The following PTK7 variants were observed in gnomAD, a reference collection of about 807,000 sequenced individuals.
The protein encoded by PTK7 is inactive tyrosine-protein kinase 7.
In PTK7, 39 loss-of-function variants were observed where a neutral mutation model predicts 116.6. The observed-to-expected ratio is 0.33, with a 90% CI of 0.26 to 0.44. The LOEUF is 0.44. Ranked by LOEUF, PTK7 falls within the 20% of genes least tolerant of loss-of-function variation. PTK7 has a pLI of 1.00. For synonymous variants in PTK7, 546 were observed against 563.6 expected, an observed-to-expected ratio of 0.97 and a Z score of 0.44; for missense variants, 1,169 against 1,425.6, an observed-to-expected ratio of 0.82 and a Z score of 2.90.
chr6:43,117,778 T>C (rs1768645643), intron 1 of PTK7, among the ~76,000 whole-genome samples: 1 of 151,682 alleles, frequency 6.6e-6, no homozygotes, highest in Non-Finnish European at 1.5e-5. Context: ...CTACTAAAAA[T>C]ACAAAAAATT....
chr6:43,150,818 C>CTTTT (rs1582211151), intron 17 of PTK7, among the ~76,000 whole-genome samples: 1 of 21,588 alleles, frequency 4.6e-5, no homozygotes. Flanking sequence ...TTTTTTTTTC[C>CTTTT]CGAGACAGAG....
chr6:43,079,549 TGTC>T (rs1766250067), intron 1 of PTK7, among the ~76,000 whole-genome samples: 1 of 151,714 alleles, frequency 6.6e-6, no homozygotes, highest in South Asian at 2.1e-4. Context: ...TATAAAATGG[TGTC>T]GTATTTACAT....
intron 1 of PTK7, among the ~76,000 whole-genome samples, chr6:43,116,893 G>A (rs1768583994): frequency 6.6e-6 from 1 of 152,036 alleles, no homozygotes. Context: ...GTGCGACCTC[G>A]ACTCACTGCA....
Position 43,116,651 on chromosome 6 carries a change from T to TGTGCGCGCGC in PTK7, c.80-12325_80-12324insTGCGCGCGCG, listed in dbSNP as rs1323606377. 6.3e-4 allele frequency among the ~76,000 whole-genome samples: 49 copies of TGTGCGCGCGC among 77,264 alleles called. 1 individual carries two copies. The highest frequency in any genetic ancestry group is 3.0e-3 in the African/African-American group (46 of 15,494). The allele number at this position is 77,264 out of a possible 152,430, so 50.7% of individuals were successfully genotyped here. On this transcript the variant is annotated intron_variant, in intron 1 of 19. Coordinates refer to ENST00000230419, the MANE Select transcript of PTK7 (RefSeq NM_002821.5). ...GTGTGTGTGTGTGTGTGTGTGTGTGTGCGCGCGCACGCACGCACGCATATG... is the reference window on the plus strand; with the variant it reads ...GTGTGTGTGTGTGTGTGTGTGTGTGTGTGCGCGCGCGCGCGCGCACGCACGCACGCATATG...
chr6:43,108,365 G>C (rs1006025886), intron 1 of PTK7, among the ~76,000 whole-genome samples: 1 of 150,690 alleles, frequency 6.6e-6, no homozygotes, highest in East Asian at 2.0e-4. Flanking sequence ...AAAGTGCTGG[G>C]ATTATGGGCA....
chr6:43,116,045 A>G (rs769730555), intron 1 of PTK7, among the ~76,000 whole-genome samples: 4 of 151,412 alleles, frequency 2.6e-5, no homozygotes, highest in Non-Finnish European at 5.9e-5. Context: ...TAGCTCTTCT[A>G]AGCACCCTCC....
At chr6:43,156,245 A>G (rs1771423582) in intron 17 of PTK7, among the ~76,000 whole-genome samples, 1 of 149,784 alleles carries the variant, frequency 6.7e-6, no homozygotes, top group South Asian at 2.1e-4. Flanking sequence ...AAAAAAAAAA[A>G]AAAAAAAAAG....
At chr6:43,157,849 C>G (rs1186905517) in intron 17 of PTK7, among the ~76,000 whole-genome samples, 1 of 152,058 alleles carries the variant, frequency 6.6e-6, no homozygotes, top group Non-Finnish European at 1.5e-5. Context: ...GCCTCAGCCT[C>G]CCCAGTAGCT....
At chr6:43,118,697 G>C (rs1196851944) in intron 1 of PTK7, among the ~76,000 whole-genome samples, 1 of 91,784 alleles carries the variant, frequency 1.1e-5, no homozygotes, top group South Asian at 3.8e-4. Context: ...ATGTATATAT[G>C]TATATATGTC....
chr6:43,097,365 A>G (rs950004199), intron 1 of PTK7, among the ~76,000 whole-genome samples: 7 of 152,226 alleles, frequency 4.6e-5, no homozygotes, highest in African/African-American at 1.7e-4. Flanking sequence ...CAATGCCACC[A>G]CAAATATCCT....
intron 1 of PTK7, among the ~76,000 whole-genome samples, chr6:43,104,248 T>G (rs565175027): frequency 6.6e-6 from 1 of 152,162 alleles, no homozygotes; most frequent in African/African-American, 2.4e-5. Context: ...AATAAGAAAT[T>G]TAGGGCAATA....
rs1194265579 is a variant in PTK7, at chr6:43,132,129, C to T, written c.926C>T (p.Pro309Leu). ...YRCIGQGQRG[P>L]PIILEATLHL... The stretch of plus-strand genomic sequence containing the variant: ...TGCATTGGCCAGGGGCAGAGGGGCC[C>T]ACCCATCATCCTGGAAGCCACACTT... The change falls in exon 6 of 20, where the codon CCA becomes CTA. Residue 309 changes from proline to leucine, a missense_variant. Pro to Leu is a moderately conservative substitution (Grantham distance 98). This residue lies in a region of PTK7 where 487 missense variants were observed against 549.8 expected (regional missense o/e 0.89). Coordinates refer to ENST00000230419, the MANE Select transcript of PTK7 (RefSeq NM_002821.5). 3 of 1,612,672 alleles carry T rather than the reference C, an allele frequency of 1.9e-6. No individual in the cohort carries two copies. In the African/African-American group the frequency reaches 4.0e-5, roughly 22 times the overall value.
rs901243087 is a variant in PTK7, at chr6:43,141,310, G to A, written c.1619-358G>A. Among the ~76,000 whole-genome samples the A allele has an allele frequency of 6.6e-6, 1 of 152,142 alleles. No individual in the cohort carries two copies. The highest frequency in any genetic ancestry group is 1.5e-5 in the Non-Finnish European group (1 of 68,030). ...GCTCAGGTCTGGGGGAACTTTCTGG[G>A]AGAGGTGAGGCTTAAAATGGATCTA... On this transcript the variant is annotated intron_variant, in intron 10 of 19. Transcript: ENST00000230419. The surrounding 1 kb of genome is among the most constrained non-coding windows in gnomAD (Gnocchi z 4.9).
At chr6:43,088,362 T>TA (rs778406092) in intron 1 of PTK7, among the ~76,000 whole-genome samples, 64 of 152,122 alleles carry the variant, frequency 4.2e-4, no homozygotes, top group Non-Finnish European at 4.9e-4. Context: ...TGCCTTCACT[T>TA]AGAGTCCTTG....
At chr6:43,117,415 T>C (rs766742623) in intron 1 of PTK7, among the ~76,000 whole-genome samples, 96 of 152,146 alleles carry the variant, frequency 6.3e-4, no homozygotes, top group Non-Finnish European at 1.1e-3. Context: ...TGAAACACAA[T>C]AGATTGGTTG....
In PTK7 at chr6:43,129,052, G is replaced by A. The variant is rs747399017; in HGVS notation, c.155G>A (p.Arg52His). The change falls in exon 2 of 20, where the codon CGC becomes CAC. Residue 52 changes from arginine to histidine, a missense_variant. Physicochemically the swap from Arg to His is conservative, Grantham distance 29. This residue lies in a region of PTK7 where 487 missense variants were observed against 549.8 expected (regional missense o/e 0.89). Coordinates refer to ENST00000230419, the MANE Select transcript of PTK7 (RefSeq NM_002821.5). This position sits in a 1 kb window ranked among gnomAD's most constrained non-coding sequence, Gnocchi z 4.5. ...DALQGRRALL[R>H]CEVEAPGPVH... ...CTGCAGGGGCGCCGGGCGCTGCTTCGCTGTGAGGTTGAGGCTCCGGGCCCG... is the reference window on the plus strand; with the variant it reads ...CTGCAGGGGCGCCGGGCGCTGCTTCACTGTGAGGTTGAGGCTCCGGGCCCG... 96 of 1,614,072 alleles carry A rather than the reference G, an allele frequency of 5.9e-5. No homozygotes were observed. Among genetic ancestry groups the A allele is most frequent in the Non-Finnish European group, 7.6e-5 (90 of 1,180,040 alleles).
rs181925250 is a variant in PTK7 at position 43,142,727 on chromosome 6, C to T, written c.2047+428C>T. 97 of 230,186 alleles carry T rather than the reference C, an allele frequency of 4.2e-4. 1 individual carries two copies. The highest frequency in any genetic ancestry group is 3.0e-3 in the East Asian group (27 of 9,118). 14.3% of individuals were successfully genotyped at this position (230,186 alleles called of 1,614,324 possible). On this transcript the variant is annotated intron_variant, in intron 13 of 19. Transcript: ENST00000230419. ...TCTGCCCCTGGGAGACTTATTTCTC[C>T]TCTGGGGACTTGTTTCTGCATCCAC... is the stretch of plus-strand genomic sequence containing the variant.
At chr6:43,144,694 C>T (rs1770625358) in intron 15 of PTK7, 88 bp downstream of exon 15, 2 of 1,454,104 alleles carry the variant, frequency 1.4e-6, no homozygotes, top group African/African-American at 2.8e-5. Context: ...GTTCTGAAGT[C>T]CCTGAAACCT....
chr6:43,121,094 G>A (rs1354224845), intron 1 of PTK7, among the ~76,000 whole-genome samples: 2 of 148,148 alleles, frequency 1.3e-5, no homozygotes, highest in Non-Finnish European at 3.0e-5. Flanking sequence ...TTGCTCAGGC[G>A]GAACTCCTGG....
Sources: gnomAD v4.1 joint callset for allele counts (sites outside exome capture counted in the v4.1 genomes callset) on GRCh38, gnomAD v4.1.1 for gene constraint, gnomAD v4.1.1 regional missense constraint, Gnocchi (gnomAD v3.1) non-coding constraint, MANE v1.5 for transcripts, NCBI Gene and HGNC (gene_info 2026-07-23, HGNC 2026-07-21) for gene names.